The following MON2 variants were observed in gnomAD, a reference collection of about 807,000 sequenced individuals.
The protein encoded by MON2 is MON2 regulator of endosome-to-Golgi trafficking, also known as protein MON2 homolog.
Under a neutral mutation model 208.6 loss-of-function variants are expected in MON2, and 84 were observed. That is an observed-to-expected ratio of 0.40 (90% CI 0.34 to 0.48). MON2 has a LOEUF of 0.48. Among genes scored for constraint, MON2 ranks in the 20% least tolerant of loss-of-function variants. MON2 has a pLI of 0.59. For missense variants in MON2, 1,611 were observed against 2,015.4 expected (o/e 0.80, Z 3.84); for synonymous variants, 660 against 694.0 (o/e 0.95, Z 0.77).
chr12:62,584,703 A>G (rs2136477307), intron 32 of MON2, among the ~76,000 whole-genome samples: 1 of 133,188 alleles, frequency 7.5e-6, no homozygotes, highest in South Asian at 2.5e-4. Flanking sequence ...ACTCTGTCTC[A>G]ACAAAAAAAA....
chr12:62,470,468 T>C (rs924169), intron 1 of MON2, among the ~76,000 whole-genome samples: 102,269 of 151,934 alleles, frequency 0.67, 34,682 homozygotes, highest in African/African-American at 0.77. Context: ...TTTTCTTAGT[T>C]GTTATACATA....
chr12:62,496,092 A>G (rs1462261081), intron 4 of MON2, among the ~76,000 whole-genome samples: 1 of 152,190 alleles, frequency 6.6e-6, no homozygotes, highest in Admixed American at 6.5e-5. Flanking sequence ...GAAGTACAGT[A>G]TACTGTCACA....
chr12:62,568,948 G>A (rs1473352791), intron 29 of MON2, among the ~76,000 whole-genome samples: 1 of 152,028 alleles, frequency 6.6e-6, no homozygotes, highest in African/African-American at 2.4e-5. Context: ...ACACCATGCC[G>A]AGCCACTCAG....
intron 2 of MON2, among the ~76,000 whole-genome samples, chr12:62,486,377 A>T (rs1350635717): frequency 6.6e-6 from 1 of 152,004 alleles, no homozygotes; most frequent in Non-Finnish European, 1.5e-5. Context: ...TATGATTTAA[A>T]TATATAGGCA....
intron 29 of MON2, among the ~76,000 whole-genome samples, chr12:62,569,510 A>T (rs186645741): frequency 3.3e-5 from 5 of 152,246 alleles, no homozygotes; most frequent in African/African-American, 1.2e-4. Context: ...GCTGTAGGCC[A>T]GTAACAAGAT....
chr12:62,501,155 A>G (rs941805610), intron 6 of MON2, among the ~76,000 whole-genome samples: 2 of 152,166 alleles, frequency 1.3e-5, no homozygotes, highest in Non-Finnish European at 2.9e-5. Flanking sequence ...AGTTTCTTTA[A>G]AAAAGGAAAA....
At chr12:62,528,839 C>A (rs1336868778) in intron 11 of MON2, among the ~76,000 whole-genome samples, 1 of 152,116 alleles carries the variant, frequency 6.6e-6, no homozygotes, top group Non-Finnish European at 1.5e-5. Context: ...CCCATTTGAG[C>A]TTAAGTTTCT....
chr12:62,508,442 G>A lies in MON2; in HGVS notation c.946G>A (p.Val316Ile). Residue 316 changes from valine to isoleucine, a missense_variant, in exon 8 of 35, where the codon GTA becomes ATA. Physicochemically the swap from Val to Ile is conservative, Grantham distance 29 (BLOSUM62 3). Coordinates refer to ENST00000393630, the MANE Select transcript of MON2 (RefSeq NM_015026.3). Reference sequence around the variant, plus strand: ...TCCTATCTGCATGCGTTTGCTGAGAGTAGTATCTGTTCTGATTAAGCAGTT... The same window carrying A: ...TCCTATCTGCATGCGTTTGCTGAGAATAGTATCTGTTCTGATTAAGCAGTT... ...YFPICMRLLR[V>I]VSVLIKQFYS... 6.2e-7 allele frequency: 1 copy of A among 1,614,122 alleles called. No homozygotes were observed. The highest frequency in any genetic ancestry group is 1.7e-4 in the Middle Eastern group (1 of 6,060).
At chr12:62,497,049 T>C in intron 4 of MON2, among the ~76,000 whole-genome samples, 1 of 141,950 alleles carries the variant, frequency 7.0e-6, no homozygotes, top group Non-Finnish European at 1.5e-5. Flanking sequence ...CAGTAAACTA[T>C]CGCAAGAACA....
At chr12:62,589,325 G>A (rs2075318084) in intron 34 of MON2, among the ~76,000 whole-genome samples, 2 of 152,206 alleles carry the variant, frequency 1.3e-5, no homozygotes, top group East Asian at 1.9e-4. Context: ...GGCACCTTAA[G>A]GAGCATTACT....
rs558872955 is a variant in MON2, at chr12:62,523,122, G to A, written c.985-1393G>A. ...AAAGCTGATATTGCACTTGTTGAAG[G>A]GCTTACTAATATTCAAACCCTCCAG... is the stretch of plus-strand genomic sequence containing the variant. On this transcript the variant is annotated intron_variant, in intron 8 of 34. Transcript: ENST00000393630. 4.6e-5 allele frequency among the ~76,000 whole-genome samples: 7 copies of A among 152,200 alleles called. No homozygotes were observed. The East Asian group carries it at 5.8e-4, about 13-fold the overall frequency.
chr12:62,506,866 A>C (rs1264018728), intron 7 of MON2, among the ~76,000 whole-genome samples: 2 of 152,216 alleles, frequency 1.3e-5, no homozygotes, highest in Non-Finnish European at 2.9e-5. Context: ...AGCTTCAGTG[A>C]AATTTGGATG....
rs539253452 is a variant in MON2 at position 62,574,892 on chromosome 12, G to A, written c.4514+3310G>A. ...TAATCCCAGCATTTTGTGAGGCCAA[G>A]TTGGGTGGATTGCTTGGGCCCAGGA... On this transcript the variant is annotated intron_variant, in intron 30 of 34. Transcript: ENST00000393630. Among the ~76,000 whole-genome samples, 6 of 152,286 alleles carry A rather than the reference G, an allele frequency of 3.9e-5. No homozygotes were observed. The South Asian group carries it at 1.0e-3, about 26-fold the overall frequency.
chr12:62,543,938 G>A (rs1592351507), intron 20 of MON2, among the ~76,000 whole-genome samples: 1 of 152,226 alleles, frequency 6.6e-6, no homozygotes, highest in South Asian at 2.1e-4. Context: ...CTGTGAAGGG[G>A]AAAACCTGTT....
rs1175958223 is a variant in MON2 at position 62,498,987 on chromosome 12, A to G, written c.504A>G (p.Thr168=). ...TTACAAATAATACAGCTGCTGCTAC[A>G]GTGCGACAAGTTGTTACTGTTGTTT... ...DNITNNTAAA[T]VRQVVTVVFE... Residue 168 remains threonine (T), a synonymous_variant, in exon 5 of 35, where the codon ACA becomes ACG. Coordinates refer to ENST00000393630, the MANE Select transcript of MON2 (RefSeq NM_015026.3). 2 of 1,613,206 alleles carry G rather than the reference A, an allele frequency of 1.2e-6. No individual in the cohort carries two copies. Among genetic ancestry groups the G allele is most frequent in the South Asian group, 1.1e-5 (1 of 90,930 alleles).
chr12:62,586,267 G>A (rs778736780), intron 33 of MON2, among the ~76,000 whole-genome samples: 151 of 152,164 alleles, frequency 9.9e-4, no homozygotes, highest in Non-Finnish European at 1.8e-3. Context: ...AGGTAGGACT[G>A]GAGAGGCAAA....
At chr12:62,581,331 C>T (rs2074996809) in intron 32 of MON2, among the ~76,000 whole-genome samples, 1 of 152,096 alleles carries the variant, frequency 6.6e-6, no homozygotes, top group South Asian at 2.1e-4. Flanking sequence ...GTGGGAGGAT[C>T]GCTTGAGGCC....
intron 1 of MON2, 55 bp downstream of exon 1, chr12:62,467,373 G>C: frequency 7.1e-7 from 1 of 1,408,344 alleles, no homozygotes; most frequent in Admixed American, 1.7e-5. Flanking sequence ...GGTCCTGTTA[G>C]ACTCAGTGCT....
Position 62,500,788 on chromosome 12 carries a change from A to C in MON2, c.571A>C (p.Ile191Leu), listed in dbSNP as rs1408853627. 6.4e-7 allele frequency: 1 copy of C among 1,566,924 alleles called. No individual in the cohort carries two copies. Among genetic ancestry groups the C allele is most frequent in the Non-Finnish European group, 8.7e-7 (1 of 1,151,634 alleles). The change falls in exon 6 of 35, where the codon ATA becomes CTA. Residue 191 changes from isoleucine to leucine, a missense_variant. Physicochemically the swap from Ile to Leu is conservative, Grantham distance 5. Transcript: ENST00000393630. ...CCATCCTGTTTTGATTGCAGATATTATAGAACAACCAGTACTGGTACAAGG... is the reference window on the plus strand; with the variant it reads ...CCATCCTGTTTTGATTGCAGATATTCTAGAACAACCAGTACTGGTACAAGG... Reference protein sequence around the residue: ...VAEDERHRDIIEQPVLVQGNS... With the variant: ...VAEDERHRDILEQPVLVQGNS...
Sources: gnomAD v4.1 joint callset for allele counts (sites outside exome capture counted in the v4.1 genomes callset) on GRCh38, gnomAD v4.1.1 for gene constraint, MANE v1.5 for transcripts, NCBI Gene and HGNC (gene_info 2026-07-23, HGNC 2026-07-21) for gene names.